Variants in CSMD1 observed in about 807,000 individuals in gnomAD.
CSMD1 encodes CUB and Sushi multiple domains 1.
In CSMD1, 213 loss-of-function variants were observed where a neutral mutation model predicts 417.5. The observed-to-expected ratio is 0.51, with a 90% CI of 0.46 to 0.57. CSMD1 has a LOEUF of 0.57. Ranked by LOEUF, CSMD1 falls within the 20% of genes least tolerant of loss-of-function variation. The probability of loss-of-function intolerance (pLI) is 0.00; values close to 1 mark genes in which losing one functional copy is unlikely to be tolerated. For synonymous variants in CSMD1, 2,862 were observed against 1,736.8 expected, an observed-to-expected ratio of 1.65 and a Z score of -16.11; for missense variants, 6,923 against 4,529.7, an observed-to-expected ratio of 1.53 and a Z score of -15.17.
rs951458348 is a variant in CSMD1 at position 3,475,593 on chromosome 8, T to C, written c.1449-6769A>G. Among the ~76,000 whole-genome samples the C allele has an allele frequency of 4.6e-5, 7 of 152,198 alleles. No homozygotes were observed. In the East Asian group the frequency reaches 5.8e-4, roughly 13 times the overall value. On this transcript the variant is annotated intron_variant, in intron 11 of 69. Coordinates refer to ENST00000635120, the MANE Select transcript of CSMD1 (RefSeq NM_033225.6). ...CCTCATCTATGAAACAAGAGAATTG[T>C]ATTAATCCAACCTGAAGGAACTCTT...
At chr8:3,358,774 T>C (rs946521128) in intron 21 of CSMD1, among the ~76,000 whole-genome samples, 1 of 152,180 alleles carries the variant, frequency 6.6e-6, no homozygotes, top group African/African-American at 2.4e-5. Context: ...GTGCTGCTTT[T>C]AATCAATGCA....
intron 10 of CSMD1, among the ~76,000 whole-genome samples, chr8:3,561,049 G>A (rs1313339642): frequency 6.6e-6 from 1 of 152,112 alleles, no homozygotes; most frequent in Non-Finnish European, 1.5e-5. Context: ...AAAATGCCCA[G>A]CATCACTAAT....
At chr8:3,042,816 G>C (rs1044366391) in intron 50 of CSMD1, among the ~76,000 whole-genome samples, 6 of 151,932 alleles carry the variant, frequency 3.9e-5, no homozygotes, top group Non-Finnish European at 7.4e-5. Context: ...TTTATAGGTC[G>C]TATAAACCTA....
intron 3 of CSMD1, among the ~76,000 whole-genome samples, chr8:4,213,352 G>T (rs772218446): frequency 1.3e-5 from 2 of 152,028 alleles, no homozygotes; most frequent in Non-Finnish European, 2.9e-5. Flanking sequence ...CTCAAGGGCC[G>T]TGCACAAAAA....
rs35326604 is a variant in CSMD1 at position 3,500,384 on chromosome 8, G to GA, written c.1345-6659dup. On this transcript the variant is annotated intron_variant, in intron 10 of 69. Coordinates refer to ENST00000635120, the MANE Select transcript of CSMD1 (RefSeq NM_033225.6). ...AGCCACTGTGGCCAGTGAGCATTTA[G>GA]AAAAAAACAGTATGGAGCTTGGGAG... Among the ~76,000 whole-genome samples the GA allele has an allele frequency of 5.3e-4, 80 of 152,196 alleles. 1 individual carries two copies. The highest frequency in any genetic ancestry group is 4.7e-3 in the Admixed American group (72 of 15,290).
intron 5 of CSMD1, among the ~76,000 whole-genome samples, chr8:3,915,402 T>A (rs190825938): frequency 0.015 from 1,306 of 89,574 alleles, 33 homozygotes; most frequent in African/African-American, 0.069. Flanking sequence ...TAAGACTCTG[T>A]CTCAAAAAAA....
chr8:4,301,105 C>T (rs965933951), intron 3 of CSMD1, among the ~76,000 whole-genome samples: 5 of 152,156 alleles, frequency 3.3e-5, no homozygotes, highest in Non-Finnish European at 7.3e-5. Flanking sequence ...CATTGAAACT[C>T]TTGCAAAATT....
intron 8 of CSMD1, among the ~76,000 whole-genome samples, chr8:3,587,345 G>A (rs571151517): frequency 1.3e-5 from 2 of 152,182 alleles, no homozygotes; most frequent in African/African-American, 4.8e-5. Flanking sequence ...TTAACTCTCT[G>A]ACAAGCGCAT....
chr8:3,150,711 G>C (rs898627726), intron 40 of CSMD1, among the ~76,000 whole-genome samples: 1 of 152,150 alleles, frequency 6.6e-6, no homozygotes, highest in Non-Finnish European at 1.5e-5. Flanking sequence ...AAAATCACAA[G>C]TAGGGAGACT....
intron 4 of CSMD1, among the ~76,000 whole-genome samples, chr8:4,023,582 A>C (rs1025291087): frequency 1.6e-4 from 20 of 124,350 alleles, no homozygotes; most frequent in Non-Finnish European, 2.1e-4. Context: ...CTGCTTTTCA[A>C]CTTTTTTTTT....
rs1563303665 is a variant in CSMD1, at chr8:4,756,007, TAA to T, written c.86-118451_86-118450del. ...TGAATTATTTAGTATGTGTGAGTAT[TAA>T]GTCATTTGCTAATTGTTTAGTTCAC... On this transcript the variant is annotated intron_variant, in intron 1 of 69. Transcript: ENST00000635120. 5.3e-5 allele frequency among the ~76,000 whole-genome samples: 8 copies of T among 152,206 alleles called. 1 individual carries two copies. Among genetic ancestry groups the T allele is most frequent in the Admixed American group, 5.2e-4 (8 of 15,276 alleles).
Position 3,604,480 on chromosome 8 carries a change from T to A in CSMD1, c.1097+12230A>T, listed in dbSNP as rs181738993. On this transcript the variant is annotated intron_variant, in intron 8 of 69. Coordinates refer to ENST00000635120, the MANE Select transcript of CSMD1 (RefSeq NM_033225.6). ...CATATCATGGAAAACACGAGAAGGATCATAGAAATGAAGACGTGCTAAAGA... is the reference window on the plus strand; with the variant it reads ...CATATCATGGAAAACACGAGAAGGAACATAGAAATGAAGACGTGCTAAAGA... 2.6e-4 allele frequency among the ~76,000 whole-genome samples: 40 copies of A among 151,906 alleles called. No homozygotes were observed. In the East Asian group the frequency reaches 6.4e-3, roughly 24 times the overall value.
chr8:4,462,684 T>G (rs1375571579), intron 2 of CSMD1, among the ~76,000 whole-genome samples: 1 of 152,190 alleles, frequency 6.6e-6, no homozygotes, highest in Non-Finnish European at 1.5e-5. Context: ...TAAAAACCAC[T>G]GACATTACCC....
At chr8:4,757,346 G>C (rs117266183) in intron 1 of CSMD1, among the ~76,000 whole-genome samples, 36 of 152,282 alleles carry the variant, frequency 2.4e-4, no homozygotes, top group South Asian at 6.2e-4. Flanking sequence ...CTGTGTGCTA[G>C]CTAGGCCCCA....
chr8:4,166,144 A>G (rs927679914), intron 3 of CSMD1, among the ~76,000 whole-genome samples: 1 of 152,202 alleles, frequency 6.6e-6, no homozygotes, highest in Non-Finnish European at 1.5e-5. Flanking sequence ...TGTGAACCCC[A>G]TAACATTATT....
intron 1 of CSMD1, among the ~76,000 whole-genome samples, chr8:4,790,241 A>G (rs2117229197): frequency 6.6e-6 from 1 of 152,324 alleles, no homozygotes; most frequent in African/African-American, 2.4e-5. Context: ...ATAGCCATAA[A>G]AAGAATAAAA....
chr8:4,829,833 G>A (rs370315926), intron 1 of CSMD1, among the ~76,000 whole-genome samples: 28 of 152,052 alleles, frequency 1.8e-4, no homozygotes, highest in African/African-American at 6.0e-4. Context: ...GTCAGTGATC[G>A]CTTTACCTTG....
At chr8:3,256,745 C>G (rs1312528124) in intron 26 of CSMD1, among the ~76,000 whole-genome samples, 1 of 152,180 alleles carries the variant, frequency 6.6e-6, no homozygotes, top group Non-Finnish European at 1.5e-5. Flanking sequence ...TGTTTAAATC[C>G]TGACTCAGAA....
chr8:3,014,247 T>C (rs1232375648), intron 52 of CSMD1, among the ~76,000 whole-genome samples: 1 of 146,996 alleles, frequency 6.8e-6, no homozygotes, highest in Non-Finnish European at 1.5e-5. Flanking sequence ...CTCATAACAA[T>C]ATTAAACAAA....
Sources: gnomAD v4.1 joint callset for allele counts (sites outside exome capture counted in the v4.1 genomes callset) on GRCh38, gnomAD v4.1.1 for gene constraint, MANE v1.5 for transcripts, NCBI Gene and HGNC (gene_info 2026-07-23, HGNC 2026-07-21) for gene names.